The following CTU2 variants were observed in gnomAD, a reference collection of about 807,000 sequenced individuals.
The protein encoded by CTU2 is cytosolic thiouridylase subunit 2, also known as cytoplasmic tRNA 2-thiolation protein 2.
Under a neutral mutation model 64.1 loss-of-function variants are expected in CTU2, and 80 were observed. The observed-to-expected ratio is 1.25, with a 90% confidence interval of 1.04 to 1.50. The LOEUF (loss-of-function observed/expected upper bound fraction) is 1.50. Among genes scored for constraint, CTU2 ranks in the 40% most tolerant of loss-of-function variants. The pLI is 0.00. For missense variants in CTU2, 1,110 were observed against 690.2 expected, an observed-to-expected ratio of 1.61 and a Z score of -6.81; for synonymous variants, 482 against 285.3, an observed-to-expected ratio of 1.69 and a Z score of -6.95.
At chr16:88,714,299 G>A (rs1911680070) in intron 10 of CTU2, 72 bp downstream of exon 10, 1 of 1,594,832 alleles carries the variant, frequency 6.3e-7, no homozygotes, top group Non-Finnish European at 8.6e-7. Flanking sequence ...CGGGTGGTGA[G>A]CTCACCACTC....
chr16:88,709,874 G>A (rs998146817), intron 2 of CTU2, 64 bp from the exon 3 acceptor site: 3 of 1,362,580 alleles, frequency 2.2e-6, no homozygotes, highest in East Asian at 2.3e-5. Flanking sequence ...ACCTGGCAGC[G>A]CCTCAGGACG....
Position 88,710,246 on chromosome 16 carries a change from G to A in CTU2, c.246G>A (p.Gly82=), listed in dbSNP as rs746176941. ...GEKVLLAWSG[G]PSSSSMVWQV... ...AGGTGCTCTTGGCGTGGTCTGGGGGGCCTTCGTCCAGCTCCATGGTCTGGC... is the reference window on the plus strand; with the variant it reads ...AGGTGCTCTTGGCGTGGTCTGGGGGACCTTCGTCCAGCTCCATGGTCTGGC... Residue 82 remains glycine, a synonymous_variant, in exon 4 of 15, where the codon GGG becomes GGA. Coordinates refer to ENST00000453996, the MANE Select transcript of CTU2 (RefSeq NM_001012759.3). 1.2e-6 allele frequency: 2 copies of A among 1,614,058 alleles called. No homozygotes were observed. The highest frequency in any genetic ancestry group is 2.2e-5 in the East Asian group (1 of 44,878).
chr16:88,710,604 G>T, intron 4 of CTU2: 1 of 364,846 alleles, frequency 2.7e-6, no homozygotes, highest in Non-Finnish European at 5.1e-6. Flanking sequence ...TCCACAGTGC[G>T]TGTGTGCGGC....
chr16:88,713,736 G>A lies in CTU2; in HGVS notation c.963G>A (p.Leu321=). ...AGGAGGTCGCTTTCTACAACCGCCTGTTCTCCGTTCCTTCTGTCTTCACAC... is the reference window on the plus strand; with the variant it reads ...AGGAGGTCGCTTTCTACAACCGCCTATTCTCCGTTCCTTCTGTCTTCACAC... ...TLKEVAFYNR[L]FSVPSVFTPA... is the part of the protein sequence containing the mutation. The change falls in exon 9 of 15, where the codon CTG becomes CTA. Residue 321 remains leucine (L), a synonymous_variant. Transcript: ENST00000453996. The A allele has an allele frequency of 6.2e-7, 1 of 1,612,706 alleles. No homozygotes were observed. Among genetic ancestry groups the A allele is most frequent in the Non-Finnish European group, 8.5e-7 (1 of 1,179,898 alleles).
Position 88,707,186 on chromosome 16 carries a change from T to A in CTU2, c.119T>A (p.Ile40Lys), listed in dbSNP as rs61730430. The change falls in exon 2 of 15, where the codon ATA becomes AAA. Residue 40 changes from isoleucine to lysine, a missense_variant. Physicochemically the swap from Ile to Lys is moderately radical, Grantham distance 102. Transcript: ENST00000453996. ...KCKEAQPVVV[I>K]RAGDAFCRDC... ...AAGGAAGCGCAGCCCGTTGTGGTGA[T>A]ACGAGCCGGAGATGCCTTCTGCAGG... 241 of 1,613,924 alleles carry A rather than the reference T, an allele frequency of 1.5e-4. No individual in the cohort carries two copies. Among genetic ancestry groups the A allele is most frequent in the Middle Eastern group, 1.2e-3 (7 of 6,060 alleles).
At position 88,714,202 on chromosome 16, in the gene CTU2, C is replaced by T; in HGVS notation, c.1072C>T (p.Pro358Ser). The change falls in exon 10 of 15, where the codon CCC (proline) becomes TCC (serine). Residue 358 changes from proline to serine, a missense_variant. Coordinates refer to ENST00000453996, the MANE Select transcript of CTU2 (RefSeq NM_001012759.3). ...AFILRLQTQFPSTVSTVYRTS... is the reference protein window; with the variant it reads ...AFILRLQTQFSSTVSTVYRTS... The stretch of plus-strand genomic sequence containing the variant: ...CATCCTCAGGCTGCAGACCCAGTTC[C>T]CCTCCACTGTCAGCACTGTGTACAG... The T allele has an allele frequency of 6.2e-7, 1 of 1,610,934 alleles. No individual in the cohort carries two copies. The highest frequency in any genetic ancestry group is 8.5e-7 in the Non-Finnish European group (1 of 1,179,550).
At chr16:88,710,983 G>C (rs1304972381) in intron 4 of CTU2, 2 of 153,766 alleles carry the variant, frequency 1.3e-5, no homozygotes, top group African/African-American at 2.4e-5. Flanking sequence ...AGCGGGATGT[G>C]CTTGGTTTCT....
At chr16:88,710,553 C>G (rs981178554) in intron 4 of CTU2, 2 of 485,652 alleles carry the variant, frequency 4.1e-6, no homozygotes, top group Admixed American at 3.7e-5. Context: ...GCGGCCCACT[C>G]TCAGATGTGT....
Position 88,713,411 on chromosome 16 carries a change from G to T in CTU2, c.837G>T (p.Leu279=), listed in dbSNP as rs765883833. The change falls in exon 8 of 15, where the codon CTG becomes CTT. Residue 279 remains leucine (L), a synonymous_variant. Coordinates refer to ENST00000453996, the MANE Select transcript of CTU2 (RefSeq NM_001012759.3). ...TGGCTATCAAGCTCATGACCAACCTGGCGCTGGGTCGAGGGGCCTTCCTGG... is the reference window on the plus strand; with the variant it reads ...TGGCTATCAAGCTCATGACCAACCTTGCGCTGGGTCGAGGGGCCTTCCTGG... ...TRLAIKLMTN[L]ALGRGAFLAW... is the part of the protein sequence containing the mutation. 6.3e-7 allele frequency: 1 copy of T among 1,599,834 alleles called. No individual in the cohort carries two copies. Among genetic ancestry groups the T allele is most frequent in the Non-Finnish European group, 8.5e-7 (1 of 1,175,646 alleles).
chr16:88,707,043 G>T (rs1305736637), intron 1 of CTU2, 93 bp from the exon 2 acceptor site: 4 of 1,297,246 alleles, frequency 3.1e-6, no homozygotes, highest in Non-Finnish European at 4.5e-6. Flanking sequence ...ACCCAACTCA[G>T]GGTGAGAAAC....
At chr16:88,714,804 A>G in intron 12 of CTU2, 56 bp from the exon 13 acceptor site, 2 of 1,610,996 alleles carry the variant, frequency 1.2e-6, no homozygotes, top group Non-Finnish European at 1.7e-6. Context: ...TCCTTACCCC[A>G]CACTGCACGG....
chr16:88,706,695 G>A (rs1272425256), intron 1 of CTU2, 97 bp downstream of exon 1: 5 of 924,458 alleles, frequency 5.4e-6, no homozygotes, highest in Admixed American at 8.1e-5. Context: ...GGGAAGCCCC[G>A]CGTGGAGAGC....
Position 88,714,641 on chromosome 16 carries a change from C to A in CTU2, c.1256C>A (p.Ser419Ter), listed in dbSNP as rs2142736560. The change falls in exon 12 of 15, where the codon TCA becomes TAA. Residue 419 changes from serine to a stop codon, truncating the protein, a stop_gained. Coordinates refer to ENST00000453996, the MANE Select transcript of CTU2 (RefSeq NM_001012759.3). LOFTEE classifies it high-confidence loss of function. ...QTSSRLSQMQ[S>*]PIPLTETRTP... ...TCCTCGCGTCTCTCCCAGATGCAGT[C>A]ACCCATCCCCCTGACTGAGACCCGG... 1.2e-6 allele frequency: 2 copies of A among 1,612,616 alleles called. No homozygotes were observed. The highest frequency in any genetic ancestry group is 1.7e-6 in the Non-Finnish European group (2 of 1,179,860).
intron 9 of CTU2, 136 bp downstream of exon 9, chr16:88,713,914 C>T (rs1472960139): frequency 6.3e-6 from 8 of 1,279,106 alleles, no homozygotes; most frequent in African/African-American, 2.9e-5. Context: ...AGTGCTGCAT[C>T]CTCTGAGCCC....
At position 88,706,603 on chromosome 16, in the gene CTU2, G is replaced by T. The variant is rs1482473471; in HGVS notation, c.68+5G>T. 2 of 1,421,952 alleles carry T rather than the reference G, an allele frequency of 1.4e-6. No individual in the cohort carries two copies. Among genetic ancestry groups the T allele is most frequent in the South Asian group, 1.4e-5 (1 of 70,156 alleles). 88.1% of individuals were successfully genotyped at this position (1,421,952 alleles called of 1,614,324 possible). A position where few individuals can be genotyped will look rare whatever the true frequency, so the allele number is the denominator to read the frequency against. The stretch of plus-strand genomic sequence containing the variant: ...GCCCCCGGCGCCGCGGCCCAGGTAA[G>T]AGCTGGCGGCCGGACCCGCCAGGCC... On this transcript the variant is annotated splice_donor_5th_base_variant and intron_variant, in intron 1 of 14. Coordinates refer to ENST00000453996, the MANE Select transcript of CTU2 (RefSeq NM_001012759.3).
rs1272775460 is a variant in CTU2 at position 88,715,166 on chromosome 16, G to A, written c.1479-16G>A. On this transcript the variant is annotated splice_polypyrimidine_tract_variant and intron_variant, in intron 14 of 14. Coordinates refer to ENST00000453996, the MANE Select transcript of CTU2 (RefSeq NM_001012759.3). ...AGGGGCCTCGGGGCTGGTGCCCACT[G>A]CAGCTTTCTCTCTAGGGCCTGGGGC... The A allele has an allele frequency of 1.4e-5, 23 of 1,611,182 alleles. No individual in the cohort carries two copies. The highest frequency in any genetic ancestry group is 4.5e-5 in the East Asian group (2 of 44,884).
At position 88,706,555 on chromosome 16, in the gene CTU2, G is replaced by C. The variant is rs137933845; in HGVS notation, c.25G>C (p.Gly9Arg). MCQVGEDYGEPAPEEPPPA... is the reference protein window; with the variant it reads MCQVGEDYREPAPEEPPPA... ...CATGTGTCAGGTGGGCGAGGACTAC[G>C]GGGAGCCGGCGCCTGAGGAGCCGCC... is the stretch of plus-strand genomic sequence containing the variant. Residue 9 changes from glycine (G) to arginine (R), a missense_variant, in exon 1 of 15, where the codon GGG (glycine) becomes CGG (arginine). Gly to Arg is a moderately radical substitution (Grantham distance 125). Coordinates refer to ENST00000453996, the MANE Select transcript of CTU2 (RefSeq NM_001012759.3). The C allele has an allele frequency of 2.7e-6, 4 of 1,458,598 alleles. No individual in the cohort carries two copies. Among genetic ancestry groups the C allele is most frequent in the South Asian group, 2.6e-5 (2 of 76,188 alleles). 90.4% of individuals were successfully genotyped at this position (1,458,598 alleles called of 1,614,324 possible). A position where few individuals can be genotyped will look rare whatever the true frequency, so the allele number is the denominator to read the frequency against.
chr16:88,709,028 A>T (rs1416563905), intron 2 of CTU2: 1 of 152,140 alleles, frequency 6.6e-6, no homozygotes, highest in African/African-American at 2.4e-5. Context: ...GAATCTCAGC[A>T]CTCTGGGAGG....
intron 9 of CTU2, 42 bp downstream of exon 9, chr16:88,713,820 C>G: frequency 1.2e-6 from 2 of 1,609,268 alleles, no homozygotes; most frequent in Non-Finnish European, 8.5e-7. Flanking sequence ...CCATTGACAC[C>G]GGGGTGGGCC....
Sources: gnomAD v4.1 joint callset for allele counts on GRCh38, gnomAD v4.1.1 for gene constraint, MANE v1.5 for transcripts, NCBI Gene and HGNC (gene_info 2026-07-23, HGNC 2026-07-21) for gene names.